The following EVI5 variants were observed in gnomAD, a reference collection of about 807,000 sequenced individuals.
EVI5 encodes the protein ecotropic viral integration site 5 protein homolog.
Under a neutral mutation model 112.0 loss-of-function variants are expected in EVI5, and 73 were observed. The observed-to-expected ratio is 0.65, with a 90% confidence interval of 0.54 to 0.79. The LOEUF (loss-of-function observed/expected upper bound fraction) is 0.79, where lower values mean the gene tolerates loss of function less well. Among genes scored for constraint, EVI5 ranks in the 30% least tolerant of loss-of-function variants. The pLI is 0.00. For missense variants in EVI5, 900 were observed against 968.8 expected (o/e 0.93, Z 0.94); for synonymous variants, 305 against 319.9 (o/e 0.95, Z 0.50).
At chr1:92,624,689 CAAAAAAAAAAA>C (rs141559165) in intron 15 of EVI5, among the ~76,000 whole-genome samples, 8 of 51,762 alleles carry the variant, frequency 1.5e-4, no homozygotes, top group African/African-American at 4.0e-4. Context: ...GTCTCTACTT[CAAAAAAAAAAA>C]AAAAAAAAAA....
At chr1:92,522,887 A>G (rs1557707082) in intron 19 of EVI5, among the ~76,000 whole-genome samples, 1 of 151,702 alleles carries the variant, frequency 6.6e-6, no homozygotes, top group East Asian at 1.9e-4. Flanking sequence ...GCTCCTGAGT[A>G]GCTAGGAATA....
intron 2 of EVI5, among the ~76,000 whole-genome samples, chr1:92,734,485 T>C (rs1267555970): frequency 2.0e-5 from 3 of 152,216 alleles, no homozygotes; most frequent in African/African-American, 7.2e-5. Context: ...CTTCTTTTTT[T>C]TTTGAGACGG....
At chr1:92,692,206 GGATT>G (rs1421262147) in intron 9 of EVI5, among the ~76,000 whole-genome samples, 2 of 152,240 alleles carry the variant, frequency 1.3e-5, no homozygotes, top group African/African-American at 4.8e-5. Context: ...TAAGTAAACA[GGATT>G]AATTGAAATT....
intron 1 of EVI5, among the ~76,000 whole-genome samples, chr1:92,740,157 G>A (rs972119197): frequency 1.3e-5 from 2 of 152,090 alleles, no homozygotes; most frequent in Non-Finnish European, 2.9e-5. Flanking sequence ...CACATGAGAT[G>A]ATTTTAAAAT....
intron 2 of EVI5, chr1:92,732,478 G>T: frequency 5.2e-6 from 1 of 192,994 alleles, no homozygotes; most frequent in Non-Finnish European, 1.1e-5. Context: ...CACTGCCACA[G>T]GGAGAAACTA....
chr1:92,755,068 GTTTT>G (rs3216193), intron 1 of EVI5, among the ~76,000 whole-genome samples: 1 of 33,608 alleles, frequency 3.0e-5, no homozygotes, highest in Non-Finnish European at 6.3e-5. Flanking sequence ...GTGAACATAG[GTTTT>G]TTTTTTTTTT....
At chr1:92,719,608 C>T (rs1674395834) in intron 2 of EVI5, among the ~76,000 whole-genome samples, 1 of 152,000 alleles carries the variant, frequency 6.6e-6, no homozygotes. Context: ...TGGGCAAAAA[C>T]TGGAAGCATT....
chr1:92,623,674 A>G (rs1310932286), intron 16 of EVI5, among the ~76,000 whole-genome samples: 1 of 152,180 alleles, frequency 6.6e-6, no homozygotes, highest in Non-Finnish European at 1.5e-5. Context: ...GTGGTTCCCA[A>G]TTGGGGCAAT....
At chr1:92,769,586 G>C (rs1683097508) in intron 1 of EVI5, among the ~76,000 whole-genome samples, 1 of 152,088 alleles carries the variant, frequency 6.6e-6, no homozygotes, top group Non-Finnish European at 1.5e-5. Flanking sequence ...CTATGATTAA[G>C]TTAAAGATCT....
chr1:92,551,190 C>T, intron 19 of EVI5, among the ~76,000 whole-genome samples: 1 of 151,600 alleles, frequency 6.6e-6, no homozygotes, highest in East Asian at 1.9e-4. Context: ...TACAGGTGTG[C>T]ACCACCACAC....
intron 1 of EVI5, among the ~76,000 whole-genome samples, chr1:92,767,549 C>G (rs1186632355): frequency 6.6e-6 from 1 of 152,146 alleles, no homozygotes; most frequent in South Asian, 2.1e-4. Flanking sequence ...TTAATCAAAA[C>G]TGGAAAAAGA....
intron 18 of EVI5, among the ~76,000 whole-genome samples, chr1:92,593,949 T>C (rs1388604597): frequency 6.6e-6 from 1 of 152,222 alleles, no homozygotes; most frequent in Non-Finnish European, 1.5e-5. Context: ...AAACATTCCA[T>C]GCTTATGGGT....
Position 92,704,567 on chromosome 1 carries a change from T to C in EVI5, c.327A>G (p.Glu109=). 1 of 1,574,750 alleles carries C rather than the reference T, an allele frequency of 6.4e-7. No homozygotes were observed. The highest frequency in any genetic ancestry group is 8.6e-7 in the Non-Finnish European group (1 of 1,160,822). ...NEWEDVRKKK[E]KQVKELVHKG... ...AGAACATGAATACCTTAACTTGCTT[T>C]TCCTTCTTTTTGCGTACATCTTCCC... Residue 109 remains glutamate (E), a synonymous_variant, in exon 3 of 20, where the codon GAA becomes GAG. Coordinates refer to ENST00000684568, the MANE Select transcript of EVI5 (RefSeq NM_001350197.2).
intron 13 of EVI5, among the ~76,000 whole-genome samples, chr1:92,644,320 G>C (rs1660536130): frequency 1.3e-5 from 2 of 152,130 alleles, no homozygotes; most frequent in Non-Finnish European, 2.9e-5. Flanking sequence ...CACGAGGAAG[G>C]AATTAGACAA....
chr1:92,643,778 C>G (rs4847427), intron 13 of EVI5, among the ~76,000 whole-genome samples: 140,309 of 152,256 alleles, frequency 0.92, 64,732 homozygotes, highest in East Asian at 0.97. Context: ...TCTATTGTAA[C>G]ATAACTATAT....
intron 18 of EVI5, among the ~76,000 whole-genome samples, chr1:92,604,959 G>A (rs1239574315): frequency 1.3e-5 from 2 of 152,164 alleles, no homozygotes; most frequent in Non-Finnish European, 2.9e-5. Flanking sequence ...CAAACTCATA[G>A]AGACAAAGTA....
At chr1:92,743,182 G>T (rs200827540) in intron 1 of EVI5, among the ~76,000 whole-genome samples, 3 of 152,028 alleles carry the variant, frequency 2.0e-5, no homozygotes, top group African/African-American at 7.2e-5. Context: ...GCAAAACCCC[G>T]TGTCTACTAA....
intron 2 of EVI5, among the ~76,000 whole-genome samples, chr1:92,717,152 G>C (rs1673862421): frequency 6.6e-6 from 1 of 152,150 alleles, no homozygotes; most frequent in African/African-American, 2.4e-5. Context: ...AGTTTCAATA[G>C]CTGATTTGAT....
intron 18 of EVI5, among the ~76,000 whole-genome samples, chr1:92,594,559 G>T (rs1045062095): frequency 6.6e-5 from 10 of 150,638 alleles, no homozygotes; most frequent in African/African-American, 2.4e-4. Context: ...AGCCAAAATT[G>T]ACAAATGGGA....
Sources: gnomAD v4.1 joint callset for allele counts (sites outside exome capture counted in the v4.1 genomes callset) on GRCh38, gnomAD v4.1.1 for gene constraint, MANE v1.5 for transcripts, NCBI Gene and HGNC (gene_info 2026-07-23, HGNC 2026-07-21) for gene names.